Variants in CCDC150 observed in about 807,000 individuals in gnomAD.
CCDC150 encodes the protein coiled-coil domain-containing protein 150.
In CCDC150, 151 loss-of-function variants were observed where a neutral mutation model predicts 156.5. The observed-to-expected ratio is 0.97, with a 90% confidence interval of 0.85 to 1.10. The LOEUF (loss-of-function observed/expected upper bound fraction) is 1.10, where lower values mean the gene tolerates loss of function less well. CCDC150 is among the 50% of genes least tolerant of loss of function. CCDC150 has a pLI of 0.00. For synonymous variants in CCDC150, 452 were observed against 429.4 expected (o/e 1.05, Z -0.65); for missense variants, 1,312 against 1,268.1 (o/e 1.03, Z -0.53).
intron 21 of CCDC150, among the ~76,000 whole-genome samples, chr2:196,723,985 G>T (rs1229787309): frequency 6.6e-6 from 1 of 152,192 alleles, no homozygotes; most frequent in African/African-American, 2.4e-5. Flanking sequence ...TTATGGAAAA[G>T]AACTCAATCG....
intron 7 of CCDC150, among the ~76,000 whole-genome samples, chr2:196,668,298 A>T (rs1206301815): frequency 1.7e-4 from 3 of 18,048 alleles, no homozygotes; most frequent in East Asian, 4.7e-3. Context: ...CTCCATCTAA[A>T]AAAAAAAAAA....
In CCDC150 at chr2:196,732,168, G is replaced by A; in HGVS notation, c.3189+16G>A. 6.2e-7 allele frequency: 1 copy of A among 1,612,888 alleles called. No individual in the cohort carries two copies. The highest frequency in any genetic ancestry group is 8.5e-7 in the Non-Finnish European group (1 of 1,179,196). ...GCAGGAAAAGGTAAGATTAAGACAT[G>A]GATGTCTTAAGCAATTTTCTACTTG... On this transcript the variant is annotated intron_variant, in intron 27 of 27. Transcript: ENST00000389175.
Position 196,672,422 on chromosome 2 carries a change from A to T in CCDC150, c.1014A>T (p.Ala338=). The T allele has an allele frequency of 6.6e-7, 1 of 1,520,600 alleles. No individual in the cohort carries two copies. The highest frequency in any genetic ancestry group is 1.3e-5 in the South Asian group (1 of 75,734). The allele number at this position is 1,520,600 out of a possible 1,614,324, so 94.2% of individuals were successfully genotyped here. Residue 338 remains alanine, a synonymous_variant, in exon 9 of 28, where the codon GCA becomes GCT. Coordinates refer to ENST00000389175, the MANE Select transcript of CCDC150 (RefSeq NM_001080539.2). ...CCGAAATAATGTCTCTTCATGAAGCATCAGAAAAAGCACAAGTAAATGCTC... is the reference window on the plus strand; with the variant it reads ...CCGAAATAATGTCTCTTCATGAAGCTTCAGAAAAAGCACAAGTAAATGCTC... ...LRSEIMSLHE[A]SEKAQVLNDQ...
chr2:196,657,224 A>G lies in CCDC150; in HGVS notation c.576+88A>G, dbSNP rs1482296230. The G allele has an allele frequency of 2.5e-5, 32 of 1,270,690 alleles. No individual in the cohort carries two copies. In the South Asian group the frequency reaches 3.6e-4, roughly 14 times the overall value. The allele number at this position is 1,270,690 out of a possible 1,614,324, so 78.7% of individuals were successfully genotyped here. A position where few individuals can be genotyped will look rare whatever the true frequency, so the allele number is the denominator to read the frequency against. ...GACCTATGACGCGACTTTTAAAAAT[A>G]GGTGATGTTGATATGAGGATTCTTG... On this transcript the variant is annotated intron_variant, in intron 4 of 27. Transcript: ENST00000389175.
chr2:196,689,731 C>T (rs1356770977), intron 13 of CCDC150, among the ~76,000 whole-genome samples: 1 of 151,988 alleles, frequency 6.6e-6, no homozygotes, highest in Non-Finnish European at 1.5e-5. Context: ...ATTGAATACC[C>T]TTTATTTCCT....
In CCDC150 at chr2:196,732,559, G is replaced by A. The variant is rs150868744; in HGVS notation, c.3303G>A (p.Lys1101=). Reference sequence around the variant, plus strand: ...AGTATCATTCTGAGGTACAGAGGAAGTGATGTCCTTGACAAGGGAGCTTCT... The same window carrying A: ...AGTATCATTCTGAGGTACAGAGGAAATGATGTCCTTGACAAGGGAGCTTCT... ...PKKYHSEVQR[K] Residue 1101 remains lysine (K), a synonymous_variant, in exon 28 of 28, where the codon AAG becomes AAA. Transcript: ENST00000389175. The A allele has an allele frequency of 4.9e-4, 788 of 1,599,626 alleles. 10 individuals carry two copies. The East Asian group carries it at 0.012, about 24-fold the overall frequency.
chr2:196,692,179 C>G, intron 13 of CCDC150, among the ~76,000 whole-genome samples: 1 of 125,438 alleles, frequency 8.0e-6, no homozygotes, highest in South Asian at 2.6e-4. Flanking sequence ...CCAGGCCGGA[C>G]TGCGGACTGC....
chr2:196,687,297 T>G, intron 13 of CCDC150, among the ~76,000 whole-genome samples: 1 of 152,230 alleles, frequency 6.6e-6, no homozygotes, highest in East Asian at 1.9e-4. Flanking sequence ...TTTTGACTTT[T>G]TAATAGTAGT....
intron 13 of CCDC150, chr2:196,686,233 C>T (rs1695118741): frequency 7.0e-6 from 2 of 284,898 alleles, no homozygotes; most frequent in Admixed American, 4.0e-5. Flanking sequence ...AAAGACTTCT[C>T]CTGGGAATTT....
chr2:196,720,128 A>C (rs1198912386), intron 19 of CCDC150: 1 of 407,372 alleles, frequency 2.5e-6, no homozygotes, highest in Non-Finnish European at 5.0e-6. Context: ...TTATAAGTAA[A>C]TTCCTTTATA....
At chr2:196,658,982 TTAAAAA>T (rs1693395752) in intron 5 of CCDC150, 122 bp downstream of exon 5, 1 of 661,440 alleles carries the variant, frequency 1.5e-6, no homozygotes, top group Non-Finnish European at 2.6e-6. Flanking sequence ...TAGGAAGACT[TTAAAAA>T]TATGCCACAT....
intron 5 of CCDC150, among the ~76,000 whole-genome samples, chr2:196,664,272 C>T (rs1281925416): frequency 6.6e-6 from 1 of 152,024 alleles, no homozygotes; most frequent in Non-Finnish European, 1.5e-5. Context: ...CACAAGATTG[C>T]CCCCCACTTT....
In CCDC150 at chr2:196,653,088, A is replaced by G. The variant is rs981386550; in HGVS notation, c.177-3545A>G. Among the ~76,000 whole-genome samples, 4 of 152,196 alleles carry G rather than the reference A, an allele frequency of 2.6e-5. 1 individual carries two copies. The highest frequency in any genetic ancestry group is 2.0e-4 in the Admixed American group (3 of 15,288). ...GCCTGTGATAAGAGGGGCTGCTTCAAATATTTCTGAAATGCCTTCAGAGCC... is the reference window on the plus strand; with the variant it reads ...GCCTGTGATAAGAGGGGCTGCTTCAGATATTTCTGAAATGCCTTCAGAGCC... On this transcript the variant is annotated intron_variant, in intron 2 of 27. Transcript: ENST00000389175.
intron 21 of CCDC150, among the ~76,000 whole-genome samples, chr2:196,725,459 G>T (rs1211079481): frequency 2.6e-5 from 4 of 152,112 alleles, no homozygotes; most frequent in Non-Finnish European, 2.9e-5. Flanking sequence ...TTCAAGTTAG[G>T]AATGCTGATC....
intron 21 of CCDC150, among the ~76,000 whole-genome samples, chr2:196,725,724 G>A (rs1033297725): frequency 6.6e-6 from 1 of 152,160 alleles, no homozygotes; most frequent in East Asian, 1.9e-4. Flanking sequence ...ATTTTTCTTC[G>A]ATGTGAGTTT....
At chr2:196,680,928 A>G (rs1047942751) in intron 13 of CCDC150, among the ~76,000 whole-genome samples, 20 of 152,180 alleles carry the variant, frequency 1.3e-4, no homozygotes, top group African/African-American at 4.3e-4. Context: ...TGGGTGTGAA[A>G]TATCTCACTG....
chr2:196,672,387 T>C lies in CCDC150; in HGVS notation c.979T>C (p.Tyr327His). The part of the protein sequence containing the change: ...SFNKEHEENA[Y>H]LRSEIMSLHE... ...CAACAAGGAACATGAAGAAAATGCA[T>C]ATTTGAGGTCCGAAATAATGTCTCT... is the stretch of plus-strand genomic sequence containing the variant. Residue 327 changes from tyrosine (Y) to histidine (H), a missense_variant, in exon 9 of 28, where the codon TAT becomes CAT. Tyr to His is a moderately conservative substitution (Grantham distance 83). Transcript: ENST00000389175. 1.3e-6 allele frequency: 2 copies of C among 1,550,094 alleles called. No individual in the cohort carries two copies. The highest frequency in any genetic ancestry group is 1.7e-6 in the Non-Finnish European group (2 of 1,150,896).
At chr2:196,665,939 G>A (rs962441864) in intron 6 of CCDC150, among the ~76,000 whole-genome samples, 1 of 151,968 alleles carries the variant, frequency 6.6e-6, no homozygotes, top group Non-Finnish European at 1.5e-5. Flanking sequence ...TTTACCTCAG[G>A]CTTTATAGAG....
chr2:196,722,115 G>A (rs1302348691), intron 21 of CCDC150, among the ~76,000 whole-genome samples: 6 of 152,186 alleles, frequency 3.9e-5, no homozygotes, highest in South Asian at 4.1e-4. Flanking sequence ...AATGTTTTCA[G>A]TTTTGACCTG....
Sources: gnomAD v4.1 joint callset for allele counts (sites outside exome capture counted in the v4.1 genomes callset) on GRCh38, gnomAD v4.1.1 for gene constraint, MANE v1.5 for transcripts, NCBI Gene and HGNC (gene_info 2026-07-23, HGNC 2026-07-21) for gene names.